Variants in RBBP7 observed in about 807,000 individuals in gnomAD.
RBBP7 encodes RB binding protein 7, chromatin remodeling factor, also known as histone-binding protein RBBP7.
Under a neutral mutation model 35.2 loss-of-function variants are expected in RBBP7, and 5 were observed. That is an observed-to-expected ratio of 0.14 (90% CI 0.07 to 0.30). RBBP7 has a LOEUF of 0.30. Among genes scored for constraint, RBBP7 ranks in the 10% least tolerant of loss-of-function variants. The pLI is 1.00. For missense variants in RBBP7, 155 were observed against 327.5 expected (o/e 0.47, Z 4.07); for synonymous variants, 140 against 118.7 (o/e 1.18, Z -1.17).
At chrX:16,850,030 T>C (rs1225219905) in intron 9 of RBBP7, among the ~76,000 whole-genome samples, 2 of 112,091 alleles carry the variant, frequency 1.8e-5, no homozygotes, top group Admixed American at 1.9e-4. Flanking sequence ...CCAAAGACTT[T>C]AGTAGTAACA....
At chrX:16,865,988 T>C (rs1215201407) in intron 2 of RBBP7, among the ~76,000 whole-genome samples, 1 of 111,504 alleles carries the variant, frequency 9.0e-6, no homozygotes, top group Non-Finnish European at 1.9e-5. Context: ...AAGATACAGG[T>C]ATGCACTTCT....
chrX:16,859,559 G>A (rs1930420682), intron 3 of RBBP7, among the ~76,000 whole-genome samples: 1 of 112,621 alleles, frequency 8.9e-6, no homozygotes, highest in African/African-American at 3.2e-5. Flanking sequence ...AAGAATACAA[G>A]TAGAGAACAT....
intron 2 of RBBP7, among the ~76,000 whole-genome samples, chrX:16,866,621 T>C (rs1437954879): frequency 1.9e-5 from 2 of 106,946 alleles, no homozygotes; most frequent in East Asian, 5.7e-4. Flanking sequence ...TTTGGACAAT[T>C]ACCTAACTCA....
intron 9 of RBBP7, among the ~76,000 whole-genome samples, chrX:16,851,603 T>C (rs1000717234): frequency 1.8e-5 from 2 of 111,907 alleles, no homozygotes. Flanking sequence ...TCCCCAGCAG[T>C]TACACAACCC....
At chrX:16,849,948 G>C (rs1044341076) in intron 9 of RBBP7, among the ~76,000 whole-genome samples, 2 of 112,047 alleles carry the variant, frequency 1.8e-5, no homozygotes, top group Admixed American at 1.9e-4. Flanking sequence ...ACTTCAATTT[G>C]TAGAATTTGC....
At chrX:16,867,991 A>G (rs1212507361) in intron 2 of RBBP7, among the ~76,000 whole-genome samples, 1 of 112,101 alleles carries the variant, frequency 8.9e-6, no homozygotes, top group African/African-American at 3.2e-5. Flanking sequence ...AGCCAAAATT[A>G]GCTTATTATT....
chrX:16,862,838 T>C lies in RBBP7; in HGVS notation c.307+117A>G, dbSNP rs902762383. On this transcript the variant is annotated intron_variant, in intron 3 of 11. Transcript: ENST00000380087. ...CATGTGGGTGGGAAGTTCTGTAGAATAAAGTCCTAGAAGTTAAATTACTGG... is the reference window on the plus strand; with the variant it reads ...CATGTGGGTGGGAAGTTCTGTAGAACAAAGTCCTAGAAGTTAAATTACTGG... 7.5e-5 allele frequency: 63 copies of C among 835,338 alleles called. No homozygotes were observed. The African/African-American group carries it at 1.1e-3, about 14-fold the overall frequency. The allele number at this position is 835,338 out of a possible 1,213,427, so 68.8% of individuals were successfully genotyped here.
intron 10 of RBBP7, 59 bp from the exon 11 acceptor site, chrX:16,845,997 G>A: frequency 5.2e-6 from 6 of 1,164,805 alleles, no homozygotes; most frequent in Non-Finnish European, 6.9e-6. Flanking sequence ...TCCTAACAAA[G>A]GTTTTACTAA....
At chrX:16,848,029 T>C (rs866292610) in intron 10 of RBBP7, 1 of 112,316 alleles carries the variant, frequency 8.9e-6, no homozygotes, top group African/African-American at 3.2e-5. Flanking sequence ...CTTGAAAACA[T>C]TGTACTATGT....
chrX:16,845,976 TC>T, intron 10 of RBBP7, 38 bp from the exon 11 acceptor site: 1 of 1,190,106 alleles, frequency 8.4e-7, no homozygotes, highest in Non-Finnish European at 1.1e-6. Context: ...TTTCATATAC[TC>T]TCCTGTTAAT....
chrX:16,868,342 G>T (rs1395329798), intron 2 of RBBP7, among the ~76,000 whole-genome samples: 3 of 112,399 alleles, frequency 2.7e-5, no homozygotes, highest in African/African-American at 6.5e-5. Context: ...GACCAGCTGT[G>T]TGATCTTGGG....
Position 16,845,864 on chromosome X carries a change from T to G in RBBP7, c.1173A>C (p.Ser391=). The G allele has an allele frequency of 8.3e-7, 1 of 1,211,511 alleles. No individual in the cohort carries two copies. Among genetic ancestry groups the G allele is most frequent in the Non-Finnish European group, 1.1e-6 (1 of 895,385 alleles). ...TCTGCATGATGTTATCCTCAGACAC[T>G]GAGCAAATGACCCAAGGCTCATTGG... ...WNPNEPWVIC[S]VSEDNIMQIW... is the part of the protein sequence containing the mutation. The change falls in exon 11 of 12, where the codon TCA becomes TCC. Residue 391 remains serine (S), a synonymous_variant. Transcript: ENST00000380087.
chrX:16,869,455 G>A (rs1351282039), intron 1 of RBBP7: 2 of 1,155,257 alleles, frequency 1.7e-6, no homozygotes, highest in African/African-American at 3.6e-5. Flanking sequence ...TCAATTACAC[G>A]GACATGGAAA....
intron 3 of RBBP7, among the ~76,000 whole-genome samples, chrX:16,860,409 C>G (rs1930442539): frequency 9.0e-6 from 1 of 111,478 alleles, no homozygotes; most frequent in Non-Finnish European, 1.9e-5. Context: ...TCAATATTGG[C>G]CGGGCGTGGT....
chrX:16,849,565 C>T (rs1169613083), intron 9 of RBBP7, among the ~76,000 whole-genome samples: 1 of 111,538 alleles, frequency 9.0e-6, no homozygotes. Context: ...CAAAAGCGAT[C>T]CTCTCGCCTC....
chrX:16,867,114 G>C (rs777518808), intron 2 of RBBP7, among the ~76,000 whole-genome samples: 2 of 111,881 alleles, frequency 1.8e-5, no homozygotes, highest in South Asian at 3.8e-4. Flanking sequence ...GAAGGGGTGG[G>C]AGAATCAGCA....
intron 5 of RBBP7, among the ~76,000 whole-genome samples, chrX:16,855,996 A>C (rs1930340796): frequency 2.2e-5 from 1 of 46,071 alleles, no homozygotes; most frequent in Admixed American, 2.6e-4. Context: ...ACCTTGTCTC[A>C]AAAAAAAAAA....
chrX:16,867,736 G>A (rs1307005662), intron 2 of RBBP7, among the ~76,000 whole-genome samples: 4 of 110,939 alleles, frequency 3.6e-5, no homozygotes, highest in Non-Finnish European at 7.6e-5. Context: ...GCAGTGGTGC[G>A]ATGTTGGCTC....
intron 10 of RBBP7, chrX:16,848,994 G>C (rs770123915): frequency 7.6e-5 from 21 of 274,551 alleles, no homozygotes; most frequent in African/African-American, 1.1e-4. Context: ...GTTGAAATCA[G>C]TGAGAAATTA....
Sources: allele counts gnomAD v4.1 joint callset (sites outside exome capture counted in the v4.1 genomes callset), GRCh38; gene constraint gnomAD v4.1.1; transcripts MANE v1.5; gene names NCBI Gene and HGNC (gene_info 2026-07-23, HGNC 2026-07-21).